ARL5A: variants seen among roughly 807,000 people sequenced by gnomAD.
ARL5A encodes the protein ADP-ribosylation factor-like protein 5A.
Under a neutral mutation model 25.9 loss-of-function variants are expected in ARL5A, and 18 were observed. That is an observed-to-expected ratio of 0.69 (90% CI 0.48 to 1.03). The LOEUF (loss-of-function observed/expected upper bound fraction) is 1.03, where lower values mean the gene tolerates loss of function less well. Among genes scored for constraint, ARL5A ranks in the 50% least tolerant of loss-of-function variants. ARL5A has a pLI of 0.00. For synonymous variants in ARL5A, 61 were observed against 67.5 expected, an observed-to-expected ratio of 0.90 and a Z score of 0.47; for missense variants, 170 against 211.9, an observed-to-expected ratio of 0.80 and a Z score of 1.23.
Position 151,806,814 on chromosome 2 carries a change from G to A in ARL5A, c.491+7C>T, listed in dbSNP as rs749222123. On this transcript the variant is annotated splice_region_variant and intron_variant, in intron 5 of 5. Transcript: ENST00000295087. ...GTTCGATAACATTTAAGAGGAAGAT[G>A]TCTTACCCCTCGCCAGTTAGAGCAC... The A allele has an allele frequency of 1.3e-6, 2 of 1,599,654 alleles. No homozygotes were observed. The highest frequency in any genetic ancestry group is 1.7e-6 in the Non-Finnish European group (2 of 1,176,264).
At chr2:151,810,667 C>T in intron 4 of ARL5A, 2 of 331,728 alleles carry the variant, frequency 6.0e-6, no homozygotes, top group Non-Finnish European at 1.2e-5. Context: ...TCACCCATAA[C>T]AGATAACGTT....
chr2:151,823,018 CTG>C (rs1176113442), intron 1 of ARL5A, among the ~76,000 whole-genome samples: 4 of 152,172 alleles, frequency 2.6e-5, no homozygotes, highest in African/African-American at 9.7e-5. Context: ...ATTACTATCT[CTG>C]TGAATCATAC....
At chr2:151,825,709 C>T (rs942408126) in intron 1 of ARL5A, among the ~76,000 whole-genome samples, 1 of 152,046 alleles carries the variant, frequency 6.6e-6, no homozygotes, top group East Asian at 1.9e-4. Flanking sequence ...CTGTAATCTC[C>T]CGAAACATAC....
intron 2 of ARL5A, 141 bp from the exon 3 acceptor site, chr2:151,814,457 G>T: frequency 1.5e-6 from 1 of 662,502 alleles, no homozygotes; most frequent in Non-Finnish European, 2.4e-6. Flanking sequence ...TACAACATGA[G>T]TGAGGGTTTA....
At chr2:151,825,823 G>GAAA (rs71410440) in intron 1 of ARL5A, among the ~76,000 whole-genome samples, 1 of 140,240 alleles carries the variant, frequency 7.1e-6, no homozygotes. Context: ...GTCCTATACA[G>GAAA]AAAAAAAAAA....
intron 1 of ARL5A, among the ~76,000 whole-genome samples, chr2:151,815,873 TC>T (rs1330604745): frequency 6.6e-6 from 1 of 152,238 alleles, no homozygotes; most frequent in African/African-American, 2.4e-5. Context: ...CCAGATGTTT[TC>T]TTGCACCCTC....
intron 1 of ARL5A, among the ~76,000 whole-genome samples, chr2:151,816,465 C>T (rs1019607530): frequency 2.0e-5 from 3 of 152,282 alleles, no homozygotes; most frequent in African/African-American, 4.8e-5. Context: ...TAAATCATTG[C>T]TTTAAGTCAT....
chr2:151,810,887 C>T (rs531836953), intron 4 of ARL5A, among the ~76,000 whole-genome samples: 1 of 151,966 alleles, frequency 6.6e-6, no homozygotes, highest in Non-Finnish European at 1.5e-5. Context: ...CTTCATAAAA[C>T]CACCCTTTGG....
intron 2 of ARL5A, among the ~76,000 whole-genome samples, 164 bp downstream of exon 2, chr2:151,814,975 C>G (rs2099831312): frequency 6.6e-6 from 1 of 152,152 alleles, no homozygotes; most frequent in South Asian, 2.1e-4. Flanking sequence ...TTCTTGCTTT[C>G]TACTAACTAT....
In ARL5A at chr2:151,802,575, G is replaced by C. The variant is rs1445160804; in HGVS notation, c.*701C>G. On this transcript the variant is annotated 3_prime_UTR_variant, in exon 6 of 6. Transcript: ENST00000295087. ...TGATTTTGGTCAACAACAAAAAATC[G>C]ATACACAATGTCATGCTTTTTCCTT... 1 of 151,512 alleles carries C rather than the reference G, an allele frequency of 6.6e-6. No homozygotes were observed. The highest frequency in any genetic ancestry group is 2.4e-5 in the African/African-American group (1 of 41,218). The allele number at this position is 151,512 out of a possible 1,614,324, so 9.4% of individuals were successfully genotyped here.
At chr2:151,816,149 G>C (rs1478292062) in intron 1 of ARL5A, among the ~76,000 whole-genome samples, 2 of 152,178 alleles carry the variant, frequency 1.3e-5, no homozygotes, top group Admixed American at 6.5e-5. Flanking sequence ...TCTTGGACAA[G>C]TCCTCCTAGG....
intron 4 of ARL5A, 29 bp downstream of exon 4, chr2:151,812,328 T>C: frequency 6.9e-7 from 1 of 1,446,802 alleles, no homozygotes; most frequent in South Asian, 1.2e-5. Context: ...CCCTTCCCCA[T>C]ATCTAATGTA....
intron 1 of ARL5A, among the ~76,000 whole-genome samples, chr2:151,824,194 G>C (rs1257779390): frequency 6.6e-6 from 1 of 152,126 alleles, no homozygotes; most frequent in East Asian, 1.9e-4. Flanking sequence ...AATTACACGA[G>C]ATATTCAACC....
rs1265723505 is a variant in ARL5A at position 151,800,651 on chromosome 2, GA to G, written c.*2624del. 6.6e-6 allele frequency: 1 copy of G among 152,142 alleles called. No homozygotes were observed. Among genetic ancestry groups the G allele is most frequent in the East Asian group, 1.9e-4 (1 of 5,200 alleles). 9.4% of individuals were successfully genotyped at this position (152,142 alleles called of 1,614,324 possible). On this transcript the variant is annotated 3_prime_UTR_variant, in exon 6 of 6. Coordinates refer to ENST00000295087, the MANE Select transcript of ARL5A (RefSeq NM_012097.4). ...CCAAGAGGTACTGGGAAGATAAAGA[GA>G]ACTGAAAATTTCAAACAAGAACCCT...
intron 1 of ARL5A, among the ~76,000 whole-genome samples, chr2:151,825,327 C>T (rs567884392): frequency 6.6e-6 from 1 of 152,182 alleles, no homozygotes; most frequent in Admixed American, 6.5e-5. Flanking sequence ...ATGTCAATCT[C>T]TTCTTTAAGA....
intron 1 of ARL5A, among the ~76,000 whole-genome samples, chr2:151,818,950 A>G (rs889850843): frequency 3.3e-5 from 5 of 152,050 alleles, no homozygotes; most frequent in Non-Finnish European, 5.9e-5. Flanking sequence ...CATTCCCCCA[A>G]TGTATTAGCT....
chr2:151,799,980 G>C lies in ARL5A; in HGVS notation c.*3296C>G, dbSNP rs1435296422. 1 of 152,168 alleles carries C rather than the reference G, an allele frequency of 6.6e-6. No individual in the cohort carries two copies. The highest frequency in any genetic ancestry group is 2.1e-4 in the South Asian group (1 of 4,828). 9.4% of individuals were successfully genotyped at this position (152,168 alleles called of 1,614,324 possible). The stretch of plus-strand genomic sequence containing the variant: ...CAGATTACATTTGGAGAGTGGGAGA[G>C]GTCAAAGTTACGAGGAGAAACTTGT... On this transcript the variant is annotated 3_prime_UTR_variant, in exon 6 of 6. Transcript: ENST00000295087.
In ARL5A at chr2:151,800,627, C is replaced by G. The variant is rs1329792499; in HGVS notation, c.*2649G>C. ...TGTATCCTTTGCCCATTATGAGGAC[C>G]AAGAGGTACTGGGAAGATAAAGAGA... On this transcript the variant is annotated 3_prime_UTR_variant, in exon 6 of 6. Transcript: ENST00000295087. 6.6e-6 allele frequency: 1 copy of G among 152,078 alleles called. No homozygotes were observed. Among genetic ancestry groups the G allele is most frequent in the Non-Finnish European group, 1.5e-5 (1 of 67,992 alleles). 9.4% of individuals were successfully genotyped at this position (152,078 alleles called of 1,614,324 possible). A position where few individuals can be genotyped will look rare whatever the true frequency, so the allele number is the denominator to read the frequency against.
intron 4 of ARL5A, among the ~76,000 whole-genome samples, 165 bp downstream of exon 4, chr2:151,812,192 C>T (rs539700606): frequency 6.6e-6 from 1 of 152,324 alleles, no homozygotes; most frequent in South Asian, 2.1e-4. Flanking sequence ...CTTCTGGATA[C>T]ACTTCCAAAC....
Sources: allele counts gnomAD v4.1 joint callset (sites outside exome capture counted in the v4.1 genomes callset), GRCh38; gene constraint gnomAD v4.1.1; transcripts MANE v1.5; gene names NCBI Gene and HGNC (gene_info 2026-07-23, HGNC 2026-07-21).